The following SVEP1 variants were observed in gnomAD, a reference collection of about 807,000 sequenced individuals.
SVEP1 encodes sushi, von Willebrand factor type A, EGF and pentraxin domain-containing protein 1.
Under a neutral mutation model 367.3 loss-of-function variants are expected in SVEP1, and 164 were observed. The ratio of observed to expected loss-of-function variants is 0.45; its 90% CI spans 0.39 to 0.51. The LOEUF is 0.51. Ranked by LOEUF, SVEP1 falls within the 20% of genes least tolerant of loss-of-function variation. The pLI is 0.00. For synonymous variants in SVEP1, 1,666 were observed against 1,611.6 expected (o/e 1.03, Z -0.81); for missense variants, 4,117 against 4,425.3 (o/e 0.93, Z 1.98).
At chr9:110,432,697 T>C in intron 30 of SVEP1, 62 bp from the exon 31 acceptor site, 3 of 1,531,670 alleles carry the variant, frequency 2.0e-6, no homozygotes, top group Non-Finnish European at 2.6e-6. Flanking sequence ...GAACACTTTA[T>C]TTGTATTAAA....
intron 1 of SVEP1, among the ~76,000 whole-genome samples, chr9:110,563,241 A>T (rs1204771333): frequency 6.6e-6 from 1 of 152,216 alleles, no homozygotes; most frequent in Non-Finnish European, 1.5e-5. Context: ...AAAAATTTTC[A>T]TTACGCAACT....
intron 17 of SVEP1, among the ~76,000 whole-genome samples, chr9:110,467,597 G>A (rs948750297): frequency 3.4e-4 from 52 of 150,978 alleles, no homozygotes; most frequent in African/African-American, 1.0e-3. Flanking sequence ...GTGATACCTC[G>A]TTGGATAAAA....
At position 110,368,076 on chromosome 9, in the gene SVEP1, TA is replaced by T. The variant is rs965685046; in HGVS notation, c.10695-1517del. ...TGGGCATCTGAGTGAGACTCTGTCT[TA>T]AAAAAAAAAGAGAAATTCTGTCCTT... is the stretch of plus-strand genomic sequence containing the variant. On this transcript the variant is annotated intron_variant, in intron 47 of 47. Coordinates refer to ENST00000374469, the MANE Select transcript of SVEP1 (RefSeq NM_153366.4). Among the ~76,000 whole-genome samples the T allele has an allele frequency of 5.3e-3, 789 of 148,320 alleles. 3 individuals carry two copies. Among genetic ancestry groups the T allele is most frequent in the African/African-American group, 0.019 (755 of 40,520 alleles).
At position 110,406,842 on chromosome 9, in the gene SVEP1, C is replaced by T. The variant is rs1046110015; in HGVS notation, c.8758G>A (p.Gly2920Ser). 4 of 1,613,838 alleles carry T rather than the reference C, an allele frequency of 2.5e-6. No individual in the cohort carries two copies. Among genetic ancestry groups the T allele is most frequent in the African/African-American group, 2.7e-5 (2 of 74,900 alleles). ...TTTGGAGCACCGTGCAAGATGTAGC[C>T]CTCGTGACAGTGGAATGTTACTTCC... ...MKEVTFHCHE[G>S]YILHGAPKLT... Residue 2920 changes from glycine to serine, a missense_variant, in exon 38 of 48, where the codon GGC becomes AGC. Gly to Ser is a moderately conservative substitution (Grantham distance 56, BLOSUM62 0). Around this residue, in one of 4 missense-constraint regions of SVEP1, gnomAD observed 1,765 missense variants for 1,781.1 expected, o/e 0.99. Coordinates refer to ENST00000374469, the MANE Select transcript of SVEP1 (RefSeq NM_153366.4).
intron 32 of SVEP1, 33 bp from the exon 33 acceptor site, chr9:110,430,483 T>A: frequency 6.3e-7 from 1 of 1,577,812 alleles, no homozygotes; most frequent in Admixed American, 1.8e-5. Flanking sequence ...GAATAATAAG[T>A]GGCTTTCACA....
chr9:110,389,469 G>GTTATTTTGT, intron 41 of SVEP1, 55 bp downstream of exon 41: 3 of 1,594,290 alleles, frequency 1.9e-6, no homozygotes, highest in Non-Finnish European at 2.6e-6. Flanking sequence ...TAGCCACACT[G>GTTATTTTGT]TTATTTTGTG....
chr9:110,405,424 T>C (rs12003156), intron 38 of SVEP1, among the ~76,000 whole-genome samples: 2 of 129,816 alleles, frequency 1.5e-5, no homozygotes, highest in Non-Finnish European at 3.4e-5. Flanking sequence ...CATAATTCAT[T>C]TGTATTATGA....
intron 3 of SVEP1, among the ~76,000 whole-genome samples, chr9:110,542,112 T>C (rs925063932): frequency 5.9e-5 from 9 of 152,078 alleles, no homozygotes; most frequent in Non-Finnish European, 1.3e-4. Flanking sequence ...CTTTCTGTGT[T>C]GCGAAACATT....
chr9:110,538,394 A>G (rs1180557969), intron 3 of SVEP1, among the ~76,000 whole-genome samples: 1 of 152,068 alleles, frequency 6.6e-6, no homozygotes, highest in Non-Finnish European at 1.5e-5. Context: ...AAATCAGCCA[A>G]GCTCTGCTTA....
At position 110,446,283 on chromosome 9, in the gene SVEP1, T is replaced by C. The variant is rs9792576; in HGVS notation, c.4262-245A>G. ...AAGGAAGCAGAGAAACAGGAAGTAG[T>C]TGGAAGGAGAGGTGAAACTGAAATG... is the stretch of plus-strand genomic sequence containing the variant. On this transcript the variant is annotated intron_variant, in intron 25 of 47. Transcript: ENST00000374469. Among the ~76,000 whole-genome samples the C allele has an allele frequency of 0.15, 22,760 of 152,132 alleles. 2,278 individuals carry two copies. The highest frequency in any genetic ancestry group is 0.43 in the East Asian group (2,236 of 5,186).
chr9:110,400,068 G>C (rs1308454968), intron 40 of SVEP1, among the ~76,000 whole-genome samples: 2 of 152,148 alleles, frequency 1.3e-5, no homozygotes, highest in African/African-American at 2.4e-5. Context: ...GAATGAAGTT[G>C]GTATTAGTTA....
intron 9 of SVEP1, 146 bp downstream of exon 9, chr9:110,489,504 T>G: frequency 1.5e-6 from 1 of 648,352 alleles, no homozygotes; most frequent in South Asian, 2.9e-5. Context: ...TGAGACTTAT[T>G]CACTATCATG....
chr9:110,431,824 A>G (rs1330322729), intron 32 of SVEP1, 91 bp downstream of exon 32: 2 of 1,519,674 alleles, frequency 1.3e-6, no homozygotes, highest in East Asian at 2.4e-5. Context: ...AGTTGAAACA[A>G]TTATCTCACT....
chr9:110,483,664 T>C lies in SVEP1; in HGVS notation c.1960A>G (p.Arg654Gly). 1 of 1,611,160 alleles carries C rather than the reference T, an allele frequency of 6.2e-7. No individual in the cohort carries two copies. The highest frequency in any genetic ancestry group is 8.5e-7 in the Non-Finnish European group (1 of 1,178,614). ...GAGACCTGGACGGGAGGTGGAGATC[T>C]GCACCAGTCTATGACAGGTGGTTCT... ...DAEPPVIDWC[R>G]SPPPVQVSEK... The change falls in exon 10 of 48, where the codon AGA (arginine) becomes GGA (glycine). Residue 654 changes from arginine to glycine, a missense_variant. Around this residue, in one of 4 missense-constraint regions of SVEP1, gnomAD observed 2,174 missense variants for 2,494.3 expected, o/e 0.87. Transcript: ENST00000374469.
At chr9:110,510,197 C>T (rs1829686136) in intron 5 of SVEP1, among the ~76,000 whole-genome samples, 1 of 152,212 alleles carries the variant, frequency 6.6e-6, no homozygotes, top group South Asian at 2.1e-4. Context: ...GGCATAACTA[C>T]ACAGAGGTAA....
chr9:110,443,956 G>C (rs903812838), intron 26 of SVEP1, among the ~76,000 whole-genome samples: 4 of 152,148 alleles, frequency 2.6e-5, no homozygotes, highest in Non-Finnish European at 1.5e-5. Context: ...AACACTGAGG[G>C]GTAGGAAAAA....
intron 40 of SVEP1, among the ~76,000 whole-genome samples, chr9:110,392,133 TTATA>T (rs35109985): frequency 6.0e-5 from 6 of 99,632 alleles, no homozygotes; most frequent in African/African-American, 1.9e-4. Flanking sequence ...CAATTCCTCA[TTATA>T]TATATATATA....
intron 2 of SVEP1, among the ~76,000 whole-genome samples, chr9:110,548,920 T>G (rs1007484403): frequency 6.6e-6 from 1 of 152,180 alleles, no homozygotes; most frequent in African/African-American, 2.4e-5. Flanking sequence ...CCCAGGAGTT[T>G]GAGACCAGCC....
chr9:110,441,602 C>T (rs1215428639), intron 27 of SVEP1, among the ~76,000 whole-genome samples: 1 of 152,330 alleles, frequency 6.6e-6, no homozygotes, highest in South Asian at 2.1e-4. Flanking sequence ...CTGTATGTTT[C>T]ATTCCTCTCT....
Sources: allele counts gnomAD v4.1 joint callset (sites outside exome capture counted in the v4.1 genomes callset), GRCh38; gene constraint gnomAD v4.1.1; regional missense constraint gnomAD v4.1.1; transcripts MANE v1.5; gene names NCBI Gene and HGNC (gene_info 2026-07-23, HGNC 2026-07-21).